Variants in DMD observed in about 807,000 individuals in gnomAD.
The protein encoded by DMD is dystrophin, also known as mutant dystrophin.
Under a neutral mutation model 330.1 loss-of-function variants are expected in DMD, and 63 were observed. That is an observed-to-expected ratio of 0.19 (90% CI 0.16 to 0.24). DMD has a LOEUF of 0.24. DMD is among the 10% of genes least tolerant of loss of function. The pLI is 1.00. For synonymous variants in DMD, 1,223 were observed against 959.8 expected, an observed-to-expected ratio of 1.27 and a Z score of -5.07; for missense variants, 3,344 against 2,684.1, an observed-to-expected ratio of 1.25 and a Z score of -5.43.
intron 67 of DMD, among the ~76,000 whole-genome samples, chrX:31,190,778 A>G (rs757032114): frequency 9.8e-4 from 108 of 110,522 alleles, no homozygotes; most frequent in Non-Finnish European, 1.9e-3. Context: ...CAATGTTAAC[A>G]TCTTACATAA....
chrX:32,205,031 ACACACACACACC>A (rs1418697027), intron 44 of DMD, among the ~76,000 whole-genome samples: 4 of 85,517 alleles, frequency 4.7e-5, no homozygotes, highest in African/African-American at 8.8e-5. Flanking sequence ...ACACACACAC[ACACACACACACC>A]CACACACACA....
intron 44 of DMD, among the ~76,000 whole-genome samples, chrX:31,972,274 G>A (rs2095405200): frequency 9.0e-6 from 1 of 111,637 alleles, no homozygotes; most frequent in African/African-American, 3.2e-5. Context: ...AGTCCTTCAA[G>A]TCTGGTCAAA....
chrX:31,154,036 TA>T (rs758264743), intron 74 of DMD, among the ~76,000 whole-genome samples: 15 of 112,423 alleles, frequency 1.3e-4, no homozygotes, highest in Non-Finnish European at 2.6e-4. Context: ...AAATGTTTTC[TA>T]ATAAATGCAG....
At chrX:31,256,876 T>C (rs1402776648) in intron 63 of DMD, among the ~76,000 whole-genome samples, 1 of 110,467 alleles carries the variant, frequency 9.1e-6, no homozygotes, top group East Asian at 2.9e-4. Context: ...GAAACTTTTT[T>C]ACCAAACATC....
intron 45 of DMD, among the ~76,000 whole-genome samples, chrX:31,938,317 C>A (rs1406664791): frequency 3.6e-5 from 4 of 111,630 alleles, no homozygotes; most frequent in African/African-American, 1.3e-4. Flanking sequence ...AGGTGACTAT[C>A]CCATTTTCCA....
chrX:31,209,278 TTTTG>T (rs1370733623), intron 65 of DMD, among the ~76,000 whole-genome samples: 1 of 111,350 alleles, frequency 9.0e-6, no homozygotes, highest in African/African-American at 3.3e-5. Flanking sequence ...TGTCTCAGGG[TTTTG>T]TTTGTTTTCT....
chrX:32,474,833 T>A (rs1379230925), intron 21 of DMD, among the ~76,000 whole-genome samples: 1 of 111,848 alleles, frequency 8.9e-6, no homozygotes, highest in African/African-American at 3.2e-5. Context: ...TTGTTCCTTT[T>A]GCTGTGCAAA....
intron 9 of DMD, among the ~76,000 whole-genome samples, chrX:32,679,826 A>G (rs1459827011): frequency 9.3e-6 from 1 of 107,317 alleles, no homozygotes; most frequent in Non-Finnish European, 1.9e-5. Context: ...TTCCCTTTTC[A>G]CAGTATACTG....
intron 42 of DMD, among the ~76,000 whole-genome samples, chrX:32,307,088 A>G (rs1249383841): frequency 9.0e-6 from 1 of 111,254 alleles, no homozygotes; most frequent in Non-Finnish European, 1.9e-5. Context: ...CTACACAGTA[A>G]ATATGTCATT....
chrX:32,791,022 G>C (rs1339190173), intron 7 of DMD, among the ~76,000 whole-genome samples: 1 of 110,731 alleles, frequency 9.0e-6, no homozygotes, highest in African/African-American at 3.3e-5. Context: ...GAGACCTGGG[G>C]CTCTCCCACC....
At chrX:32,107,796 C>T (rs2096571726) in intron 44 of DMD, among the ~76,000 whole-genome samples, 1 of 111,263 alleles carries the variant, frequency 9.0e-6, no homozygotes, top group African/African-American at 3.3e-5. Context: ...AATATCTGGG[C>T]ACCTTGTAGC....
chrX:32,130,951 G>A (rs761890571), intron 44 of DMD, among the ~76,000 whole-genome samples: 12 of 111,926 alleles, frequency 1.1e-4, no homozygotes, highest in Non-Finnish European at 1.7e-4. Flanking sequence ...TTGGGAGGCC[G>A]TGGAGGGCAG....
At position 32,312,736 on chromosome X, in the gene DMD, A is replaced by T. The variant is rs1322974767; in HGVS notation, c.5923-2460T>A. On this transcript the variant is annotated intron_variant, in intron 41 of 78. Transcript: ENST00000357033. ...AAAGAGGCACAATAAAAAATGATAAAGGGGATATCACCACCGATCCCACAG... is the reference window on the plus strand; with the variant it reads ...AAAGAGGCACAATAAAAAATGATAATGGGGATATCACCACCGATCCCACAG... 7.4e-5 allele frequency among the ~76,000 whole-genome samples: 8 copies of T among 107,582 alleles called. No individual in the cohort carries two copies. The East Asian group carries it at 2.4e-3, about 32-fold the overall frequency. The allele number at this position is 107,582 out of a possible 115,157, so 93.4% of individuals were successfully genotyped here. A position where few individuals can be genotyped will look rare whatever the true frequency, so the allele number is the denominator to read the frequency against.
chrX:32,971,775 A>G (rs143758736), intron 2 of DMD, among the ~76,000 whole-genome samples: 1,133 of 110,918 alleles, frequency 0.01, 17 homozygotes, highest in African/African-American at 0.034. Context: ...ATATATATAT[A>G]TGTGTGCACA....
At chrX:31,695,396 T>C (rs954612543) in intron 52 of DMD, among the ~76,000 whole-genome samples, 3 of 110,457 alleles carry the variant, frequency 2.7e-5, no homozygotes, top group Non-Finnish European at 5.7e-5. Flanking sequence ...AATAATTTAA[T>C]TGTACATTAA....
rs1190597265 is a variant in DMD at position 31,656,816 on chromosome X, A to C, written c.8027+1174T>G. Among the ~76,000 whole-genome samples, 6 of 111,629 alleles carry C rather than the reference A, an allele frequency of 5.4e-5. No homozygotes were observed. In the East Asian group the frequency reaches 1.7e-3, roughly 31 times the overall value. ...ACCAGGGTCTTTTTCATAGGGCTCC[A>C]ATTAAAACTTCCCAACTTTAGGTTG... On this transcript the variant is annotated intron_variant, in intron 54 of 78. Transcript: ENST00000357033.
intron 44 of DMD, among the ~76,000 whole-genome samples, chrX:32,015,300 C>T (rs2095752162): frequency 9.0e-6 from 1 of 111,704 alleles, no homozygotes. Flanking sequence ...CTTGGCCCTA[C>T]TCCCAAAAAC....
In DMD at chrX:32,698,015, G is replaced by T. The variant is rs72470514; in HGVS notation, c.832-17C>A. Reference sequence around the variant, plus strand: ...GACCGTGATCTGCAGAGAAGGGTTTGGGGGAGTGGATAGAGAGGAGGGGGA... The same window carrying T: ...GACCGTGATCTGCAGAGAAGGGTTTTGGGGAGTGGATAGAGAGGAGGGGGA... On this transcript the variant is annotated splice_polypyrimidine_tract_variant and intron_variant, in intron 8 of 78. Transcript: ENST00000357033. 0.02 allele frequency: 23,668 copies of T among 1,179,792 alleles called. 205 individuals carry two copies. The highest frequency in any genetic ancestry group is 0.023 in the Non-Finnish European group (20,033 of 879,798).
At chrX:31,862,409 G>A (rs1045611945) in intron 48 of DMD, among the ~76,000 whole-genome samples, 30 of 111,228 alleles carry the variant, frequency 2.7e-4, no homozygotes, top group African/African-American at 9.2e-4. Flanking sequence ...GGGAGTACAG[G>A]TGTGAGCCAT....
Sources: gnomAD v4.1 joint callset for allele counts (sites outside exome capture counted in the v4.1 genomes callset) on GRCh38, gnomAD v4.1.1 for gene constraint, MANE v1.5 for transcripts, NCBI Gene and HGNC (gene_info 2026-07-23, HGNC 2026-07-21) for gene names.